SKAP1: variants seen among roughly 807,000 people sequenced by gnomAD.
SKAP1 encodes src kinase-associated phosphoprotein 1.
Under a neutral mutation model 58.5 loss-of-function variants are expected in SKAP1, and 44 were observed. That is an observed-to-expected ratio of 0.75 (90% CI 0.59 to 0.97). The LOEUF (loss-of-function observed/expected upper bound fraction) is 0.97. Among genes scored for constraint, SKAP1 ranks in the 50% least tolerant of loss-of-function variants. The pLI is 0.00. For missense variants in SKAP1, 390 were observed against 435.2 expected, an observed-to-expected ratio of 0.90 and a Z score of 0.92; for synonymous variants, 127 against 149.7, an observed-to-expected ratio of 0.85 and a Z score of 1.11.
At chr17:48,396,831 G>C in intron 1 of SKAP1, 46 bp from the exon 2 acceptor site, 1 of 1,410,302 alleles carries the variant, frequency 7.1e-7, no homozygotes, top group Non-Finnish European at 1.0e-6. Flanking sequence ...TGTACTAAGG[G>C]AGAAAGGAAA....
chr17:48,409,065 T>C (rs969206633), intron 1 of SKAP1, among the ~76,000 whole-genome samples: 3 of 152,234 alleles, frequency 2.0e-5, no homozygotes, highest in Non-Finnish European at 4.4e-5. Context: ...CACATCAGGA[T>C]AGGCTGAGCT....
intron 2 of SKAP1, among the ~76,000 whole-genome samples, chr17:48,369,490 C>CA (rs11369011): frequency 0.5 from 68,292 of 137,176 alleles, 16,776 homozygotes; most frequent in African/African-American, 0.6. Flanking sequence ...GACCCTCTCT[C>CA]AAAAAAAAAA....
chr17:48,202,544 C>T (rs1427149696), intron 4 of SKAP1, among the ~76,000 whole-genome samples: 1 of 152,100 alleles, frequency 6.6e-6, no homozygotes, highest in Non-Finnish European at 1.5e-5. Flanking sequence ...AAAGAAGTTA[C>T]AAATTCTAGA....
At chr17:48,264,882 A>T (rs1378953453) in intron 4 of SKAP1, among the ~76,000 whole-genome samples, 1 of 152,068 alleles carries the variant, frequency 6.6e-6, no homozygotes, top group African/African-American at 2.4e-5. Context: ...GCTATGCTGC[A>T]GTCAACGAGG....
chr17:48,372,328 C>T (rs151013798), intron 2 of SKAP1, among the ~76,000 whole-genome samples: 1,618 of 150,850 alleles, frequency 0.011, 14 homozygotes, highest in Middle Eastern at 0.047. Context: ...ATTTTTGAGA[C>T]GGAGTTTTGC....
At chr17:48,323,094 T>TCAAAAA (rs1211213330) in intron 4 of SKAP1, among the ~76,000 whole-genome samples, 1 of 150,842 alleles carries the variant, frequency 6.6e-6, no homozygotes, top group Admixed American at 6.6e-5. Context: ...AGACTCTGTC[T>TCAAAAA]CAAAAACAAA....
chr17:48,210,801 T>C (rs2064862369), intron 4 of SKAP1, among the ~76,000 whole-genome samples: 1 of 152,250 alleles, frequency 6.6e-6, no homozygotes, highest in African/African-American at 2.4e-5. Context: ...AGGCCACTTG[T>C]AGTCATTTCA....
chr17:48,346,429 G>T lies in SKAP1; in HGVS notation c.179-423C>A, dbSNP rs551985836. On this transcript the variant is annotated intron_variant, in intron 3 of 12. Coordinates refer to ENST00000336915, the MANE Select transcript of SKAP1 (RefSeq NM_003726.4). ...ACCTGAGGGCAGGAGTTCAAGATCAGCCTGGCCAATATGGTGAAACCCTCT... is the reference window on the plus strand; with the variant it reads ...ACCTGAGGGCAGGAGTTCAAGATCATCCTGGCCAATATGGTGAAACCCTCT... Among the ~76,000 whole-genome samples the T allele has an allele frequency of 2.6e-5, 4 of 152,174 alleles. No individual in the cohort carries two copies. In the East Asian group the frequency reaches 7.7e-4, roughly 29 times the overall value.
chr17:48,338,655 C>G (rs746457934), intron 4 of SKAP1, among the ~76,000 whole-genome samples: 13 of 152,110 alleles, frequency 8.5e-5, no homozygotes, highest in Non-Finnish European at 1.8e-4. Context: ...GAGCACTTTA[C>G]TGGGTACTGG....
At chr17:48,172,770 C>T (rs1488074028) in intron 9 of SKAP1, among the ~76,000 whole-genome samples, 2 of 152,002 alleles carry the variant, frequency 1.3e-5, no homozygotes, top group African/African-American at 4.8e-5. Context: ...ATATGAGTTC[C>T]GGTATGCCAA....
At chr17:48,392,008 T>C (rs1028059499) in intron 2 of SKAP1, among the ~76,000 whole-genome samples, 47 of 152,228 alleles carry the variant, frequency 3.1e-4, no homozygotes, top group South Asian at 2.7e-3. Context: ...AAAGTAAAAC[T>C]CTCTATATAA....
chr17:48,348,509 T>TC (rs2066753241), intron 3 of SKAP1, among the ~76,000 whole-genome samples: 1 of 151,956 alleles, frequency 6.6e-6, no homozygotes, highest in Non-Finnish European at 1.5e-5. Context: ...AGTACAGAGT[T>TC]CCTACATACC....
At chr17:48,286,977 T>TC (rs1892283791) in intron 4 of SKAP1, among the ~76,000 whole-genome samples, 2 of 152,084 alleles carry the variant, frequency 1.3e-5, no homozygotes, top group African/African-American at 4.8e-5. Flanking sequence ...ACGCCTGTAA[T>TC]CCCAGCTACT....
At chr17:48,356,778 TTC>T (rs1237796322) in intron 3 of SKAP1, among the ~76,000 whole-genome samples, 4 of 152,130 alleles carry the variant, frequency 2.6e-5, no homozygotes, top group African/African-American at 7.2e-5. Flanking sequence ...CCAAAGAATA[TTC>T]TCTCTTTCAT....
chr17:48,169,632 T>C (rs2064184044), intron 10 of SKAP1, among the ~76,000 whole-genome samples: 1 of 152,230 alleles, frequency 6.6e-6, no homozygotes, highest in South Asian at 2.1e-4. Flanking sequence ...TGGGAGAAGC[T>C]GGACCCTTAG....
intron 4 of SKAP1, among the ~76,000 whole-genome samples, chr17:48,235,110 G>A (rs1157686487): frequency 6.6e-6 from 1 of 152,200 alleles, no homozygotes; most frequent in Non-Finnish European, 1.5e-5. Flanking sequence ...CAAAGACTGA[G>A]CTGGGTTTTG....
At chr17:48,335,809 C>T (rs1272403517) in intron 4 of SKAP1, among the ~76,000 whole-genome samples, 1 of 151,986 alleles carries the variant, frequency 6.6e-6, no homozygotes, top group Admixed American at 6.5e-5. Flanking sequence ...TTTTATTTGT[C>T]CTCCCTTTAA....
chr17:48,161,932 T>C (rs2143283460), intron 11 of SKAP1, among the ~76,000 whole-genome samples: 1 of 152,238 alleles, frequency 6.6e-6, no homozygotes, highest in Middle Eastern at 3.4e-3. Context: ...AATACCAATT[T>C]TATTGCATTT....
At chr17:48,422,642 G>A (rs183684155) in intron 1 of SKAP1, among the ~76,000 whole-genome samples, 10 of 152,188 alleles carry the variant, frequency 6.6e-5, no homozygotes, top group African/African-American at 2.4e-4. Flanking sequence ...AAAATATACA[G>A]GACCTATGAG....
Sources: allele counts gnomAD v4.1 joint callset (sites outside exome capture counted in the v4.1 genomes callset), GRCh38; gene constraint gnomAD v4.1.1; transcripts MANE v1.5; gene names NCBI Gene and HGNC (gene_info 2026-07-23, HGNC 2026-07-21).